Variants in SRGAP3 observed in about 807,000 individuals in gnomAD.
The protein encoded by SRGAP3 is SLIT-ROBO Rho GTPase-activating protein 3.
SRGAP3 carries 39 observed loss-of-function variants against 121.1 expected under a neutral mutation model. The observed-to-expected ratio is 0.32, with a 90% CI of 0.25 to 0.42. SRGAP3 has a LOEUF of 0.42. Ranked by LOEUF, SRGAP3 falls within the 10% of genes least tolerant of loss-of-function variation. The pLI is 1.00. For missense variants in SRGAP3, 1,213 were observed against 1,470.6 expected (o/e 0.82, Z 2.86); for synonymous variants, 601 against 570.0 (o/e 1.05, Z -0.77).
intron 4 of SRGAP3, among the ~76,000 whole-genome samples, chr3:9,071,001 T>G (rs1009454107): frequency 3.9e-5 from 6 of 151,980 alleles, no homozygotes; most frequent in Admixed American, 1.3e-4. Flanking sequence ...GCAGGAAGAG[T>G]AGCTGTTAGC....
intron 1 of SRGAP3, among the ~76,000 whole-genome samples, chr3:9,346,009 A>C (rs922309748): frequency 3.3e-5 from 5 of 152,118 alleles, no homozygotes; most frequent in African/African-American, 1.2e-4. Context: ...CATATGACTT[A>C]AGTCCTTAAT....
chr3:9,056,642 A>G (rs564839449), intron 7 of SRGAP3, among the ~76,000 whole-genome samples: 3 of 152,286 alleles, frequency 2.0e-5, no homozygotes, highest in African/African-American at 7.2e-5. Flanking sequence ...ATTAAGCAAA[A>G]CTAACTGGTT....
At chr3:9,081,176 G>T (rs545895721) in intron 3 of SRGAP3, 5 of 453,800 alleles carry the variant, frequency 1.1e-5, no homozygotes, top group South Asian at 7.8e-5. Context: ...TACAACAGAT[G>T]CCCTAACCTT....
At chr3:9,045,266 T>G (rs1945207979) in intron 10 of SRGAP3, among the ~76,000 whole-genome samples, 1 of 151,786 alleles carries the variant, frequency 6.6e-6, no homozygotes, top group Non-Finnish European at 1.5e-5. Context: ...GGAAGCGCAG[T>G]GAGCCTCTCC....
intron 11 of SRGAP3, 113 bp downstream of exon 11, chr3:9,037,950 C>T (rs1944838331): frequency 1.4e-6 from 2 of 1,408,912 alleles, no homozygotes; most frequent in African/African-American, 1.4e-5. Context: ...CCCTTGGGGA[C>T]ATTGGTGAAG....
chr3:9,139,859 C>A (rs1949788389), intron 1 of SRGAP3, among the ~76,000 whole-genome samples: 1 of 152,068 alleles, frequency 6.6e-6, no homozygotes, highest in Admixed American at 6.5e-5. Flanking sequence ...GAGGAGTCAG[C>A]TGAGGCCTCA....
intron 3 of SRGAP3, among the ~76,000 whole-genome samples, chr3:9,263,905 G>A (rs1574954602): frequency 6.6e-6 from 1 of 152,150 alleles, no homozygotes; most frequent in Admixed American, 6.5e-5. Flanking sequence ...AAACCTGGCA[G>A]AGACACAACA....
At chr3:9,317,298 G>C (rs186705742) in intron 3 of SRGAP3, among the ~76,000 whole-genome samples, 1 of 152,200 alleles carries the variant, frequency 6.6e-6, no homozygotes, top group African/African-American at 2.4e-5. Flanking sequence ...TATTTCGGCC[G>C]TAAATTTCCC....
In SRGAP3 at chr3:8,984,644, G is replaced by C. The variant is rs1486017456; in HGVS notation, c.*875C>G. On this transcript the variant is annotated 3_prime_UTR_variant, in exon 22 of 22. Transcript: ENST00000383836. Reference sequence around the variant, plus strand: ...ACAAACACAAGGATGTGGTAGTCAGGGGTCTTCTCGCCAACCTTCTCCCAT... The same window carrying C: ...ACAAACACAAGGATGTGGTAGTCAGCGGTCTTCTCGCCAACCTTCTCCCAT... 1 of 232,520 alleles carries C rather than the reference G, an allele frequency of 4.3e-6. No homozygotes were observed. Among genetic ancestry groups the C allele is most frequent in the African/African-American group, 2.2e-5 (1 of 45,288 alleles). 14.4% of individuals were successfully genotyped at this position (232,520 alleles called of 1,614,324 possible).
rs573772676 is a variant in SRGAP3, at chr3:9,257,035, T to A, written n.442+68975A>T. The A allele has an allele frequency of 7.6e-6, 3 of 395,158 alleles. No individual in the cohort carries two copies. In the South Asian group the frequency reaches 4.3e-4, roughly 57 times the overall value. 24.5% of individuals were successfully genotyped at this position (395,158 alleles called of 1,614,324 possible). A position where few individuals can be genotyped will look rare whatever the true frequency, so the allele number is the denominator to read the frequency against. ...ACATAAGCATCTGTTAAAATCTCCA[T>A]CTGTCTACATTCTTTATCTATTCCT... is the stretch of plus-strand genomic sequence containing the variant. On this transcript the variant is annotated intron_variant and non_coding_transcript_variant, in intron 3 of 3. Transcript: ENST00000490889.
At chr3:9,142,000 A>G (rs1419106430) in intron 1 of SRGAP3, among the ~76,000 whole-genome samples, 1 of 152,242 alleles carries the variant, frequency 6.6e-6, no homozygotes, top group East Asian at 1.9e-4. Context: ...CTGAAAGCAG[A>G]TAATGTTGGA....
chr3:9,276,625 C>G (rs61571229), intron 3 of SRGAP3, among the ~76,000 whole-genome samples: 6,502 of 152,192 alleles, frequency 0.043, 470 homozygotes, highest in African/African-American at 0.15. Context: ...CAGGGTTTCA[C>G]TATGTTGACC....
At chr3:9,285,193 G>A (rs537572113) in intron 3 of SRGAP3, among the ~76,000 whole-genome samples, 3 of 152,132 alleles carry the variant, frequency 2.0e-5, no homozygotes, top group East Asian at 1.9e-4. Context: ...CTCCCTATGT[G>A]GGCAGACCAT....
chr3:9,311,190 T>C (rs887305372), intron 3 of SRGAP3, among the ~76,000 whole-genome samples: 2 of 151,316 alleles, frequency 1.3e-5, no homozygotes, highest in East Asian at 3.9e-4. Context: ...AAAAGATACA[T>C]ACACCGACAC....
chr3:9,197,582 A>G (rs947191711), intron 1 of SRGAP3, among the ~76,000 whole-genome samples: 1 of 152,200 alleles, frequency 6.6e-6, no homozygotes, highest in African/African-American at 2.4e-5. Flanking sequence ...ACTGTGTCAT[A>G]TGGGTATTAT....
At chr3:9,236,777 A>C (rs186559238) in intron 1 of SRGAP3, among the ~76,000 whole-genome samples, 1 of 152,332 alleles carries the variant, frequency 6.6e-6, no homozygotes, top group Non-Finnish European at 1.5e-5. Context: ...GTGTTTCTTT[A>C]TAGCAGTGAA....
intron 7 of SRGAP3, among the ~76,000 whole-genome samples, chr3:9,057,317 A>T (rs1171161487): frequency 6.6e-6 from 1 of 152,180 alleles, no homozygotes; most frequent in Non-Finnish European, 1.5e-5. Context: ...TAGGATCACA[A>T]GGGACAGTAG....
intron 1 of SRGAP3, among the ~76,000 whole-genome samples, chr3:9,208,971 C>G (rs1048214093): frequency 1.3e-4 from 20 of 152,248 alleles, no homozygotes; most frequent in African/African-American, 4.3e-4. Flanking sequence ...AATCCAGACT[C>G]ACTTCTCAGA....
At chr3:9,244,942 G>T (rs1467487811) in intron 1 of SRGAP3, among the ~76,000 whole-genome samples, 1 of 152,080 alleles carries the variant, frequency 6.6e-6, no homozygotes, top group Non-Finnish European at 1.5e-5. Flanking sequence ...GCACTGAGGG[G>T]GTGAGCAGCA....
Sources: allele counts gnomAD v4.1 joint callset (sites outside exome capture counted in the v4.1 genomes callset), GRCh38; gene constraint gnomAD v4.1.1; transcripts MANE v1.5; gene names NCBI Gene and HGNC (gene_info 2026-07-23, HGNC 2026-07-21).